PIP5K1B: variants seen among roughly 807,000 people sequenced by gnomAD.
The protein encoded by PIP5K1B is phosphatidylinositol 4-phosphate 5-kinase type-1 beta.
Under a neutral mutation model 67.0 loss-of-function variants are expected in PIP5K1B, and 42 were observed. The observed-to-expected ratio is 0.63, with a 90% CI of 0.49 to 0.81. The LOEUF (loss-of-function observed/expected upper bound fraction) is 0.81. Ranked by LOEUF, PIP5K1B falls within the 30% of genes least tolerant of loss-of-function variation. PIP5K1B has a pLI of 0.00. For synonymous variants in PIP5K1B, 214 were observed against 231.4 expected, an observed-to-expected ratio of 0.92 and a Z score of 0.68; for missense variants, 459 against 646.3, an observed-to-expected ratio of 0.71 and a Z score of 3.14.
chr9:68,863,640 A>G (rs1564191597), intron 4 of PIP5K1B, among the ~76,000 whole-genome samples, 197 bp from the exon 5 acceptor site: 2 of 152,270 alleles, frequency 1.3e-5, no homozygotes, highest in Non-Finnish European at 2.9e-5. Flanking sequence ...CACAAAAAAC[A>G]TTTGAAAAGA....
Position 68,951,776 on chromosome 9 carries a change from G to C in PIP5K1B, c.1502+10986G>C, listed in dbSNP as rs1480047251. Among the ~76,000 whole-genome samples, 3 of 152,048 alleles carry C rather than the reference G, an allele frequency of 2.0e-5. No homozygotes were observed. The South Asian group carries it at 6.2e-4, about 32-fold the overall frequency. On this transcript the variant is annotated intron_variant, in intron 14 of 15. Transcript: ENST00000265382. ...TATGCCCAGAGTTTAACAAATAGTC[G>C]TGTAACATGTGTTAAGAAAAAGAGC...
intron 4 of PIP5K1B, among the ~76,000 whole-genome samples, chr9:68,839,513 T>C (rs1057220835): frequency 6.6e-6 from 1 of 152,180 alleles, no homozygotes; most frequent in Non-Finnish European, 1.5e-5. Context: ...TTAAACACCC[T>C]GTGGATTAGG....
chr9:68,875,831 G>C (rs2132314824), intron 5 of PIP5K1B, among the ~76,000 whole-genome samples: 1 of 152,288 alleles, frequency 6.6e-6, no homozygotes, highest in East Asian at 1.9e-4. Context: ...GAGTGGCTTA[G>C]GTGGTTTGAC....
At chr9:68,762,083 G>A (rs1830209311) in intron 2 of PIP5K1B, among the ~76,000 whole-genome samples, 2 of 152,032 alleles carry the variant, frequency 1.3e-5, no homozygotes, top group Admixed American at 6.6e-5. Flanking sequence ...TGGATTAACT[G>A]AAGAGATTCT....
intron 2 of PIP5K1B, among the ~76,000 whole-genome samples, chr9:68,751,222 T>G (rs1829616121): frequency 6.6e-6 from 1 of 152,250 alleles, no homozygotes; most frequent in South Asian, 2.1e-4. Flanking sequence ...CGTAGACCTG[T>G]GTCAAGAGCA....
chr9:68,822,328 A>C (rs1291312664), intron 3 of PIP5K1B: 2 of 166,710 alleles, frequency 1.2e-5, no homozygotes, highest in East Asian at 3.1e-4. Context: ...CCCCATCTCT[A>C]AAAAAAAAAA....
rs567635339 is a variant in PIP5K1B at position 68,712,849 on chromosome 9, C to T, written c.-243+7087C>T. On this transcript the variant is annotated intron_variant, in intron 1 of 15. Coordinates refer to ENST00000265382, the MANE Select transcript of PIP5K1B (RefSeq NM_003558.4). ...GAAGAGGAAATTATCAAGCACAAAA[C>T]AAAACGTTGCTACACTGTTAAAATG... Among the ~76,000 whole-genome samples, 3 of 152,314 alleles carry T rather than the reference C, an allele frequency of 2.0e-5. No individual in the cohort carries two copies. In the East Asian group the frequency reaches 5.8e-4, roughly 29 times the overall value.
At position 68,983,587 on chromosome 9, in the gene PIP5K1B, T is replaced by C. The variant is rs11144647; in HGVS notation, c.1503-7553T>C. Among the ~76,000 whole-genome samples the C allele has an allele frequency of 7.6e-3, 1,162 of 152,352 alleles. 12 individuals are homozygous for C. Among genetic ancestry groups the C allele is most frequent in the African/African-American group, 0.026 (1,082 of 41,578 alleles). ...AGACTTTTAAAATTTGATCTCTGTA[T>C]TCTAGGTGCTAGAATCCATTCTAGG... On this transcript the variant is annotated intron_variant, in intron 14 of 15. Coordinates refer to ENST00000265382, the MANE Select transcript of PIP5K1B (RefSeq NM_003558.4).
intron 14 of PIP5K1B, among the ~76,000 whole-genome samples, chr9:68,969,462 C>T (rs1383019557): frequency 6.6e-6 from 1 of 151,348 alleles, no homozygotes; most frequent in Non-Finnish European, 1.5e-5. Context: ...ATTAGGGGTG[C>T]TGATTGTGTC....
chr9:68,732,927 C>T (rs1455801027), intron 1 of PIP5K1B, among the ~76,000 whole-genome samples: 2 of 87,916 alleles, frequency 2.3e-5, no homozygotes, highest in African/African-American at 9.1e-5. Flanking sequence ...GGGGGGGGGG[C>T]GGCGCGGTGG....
chr9:68,802,583 AGAG>A (rs1255977534), intron 2 of PIP5K1B, among the ~76,000 whole-genome samples: 2 of 152,250 alleles, frequency 1.3e-5, no homozygotes, highest in Admixed American at 6.5e-5. Flanking sequence ...ACGTGAGTAC[AGAG>A]AAGAAACGCT....
chr9:68,732,552 C>T (rs138332530), intron 1 of PIP5K1B, among the ~76,000 whole-genome samples: 2 of 152,292 alleles, frequency 1.3e-5, no homozygotes, highest in East Asian at 3.9e-4. Flanking sequence ...GAACTTTGAC[C>T]ACCTACTGTT....
intron 14 of PIP5K1B, among the ~76,000 whole-genome samples, chr9:68,987,314 A>G (rs916755108): frequency 1.3e-5 from 2 of 152,138 alleles, no homozygotes; most frequent in African/African-American, 2.4e-5. Context: ...CTATAATCCC[A>G]GCACTTTGGG....
At chr9:69,000,020 C>A (rs1359618787) in intron 15 of PIP5K1B, among the ~76,000 whole-genome samples, 1 of 152,136 alleles carries the variant, frequency 6.6e-6, no homozygotes, top group Non-Finnish European at 1.5e-5. Context: ...AGCTCCACCA[C>A]CTTTCAAGTT....
chr9:68,788,209 C>T (rs1160148615), intron 2 of PIP5K1B: 3 of 330,532 alleles, frequency 9.1e-6, no homozygotes, highest in Non-Finnish European at 1.7e-5. Flanking sequence ...AATGTGTGGG[C>T]CCAGGAGGGG....
rs142928164 is a variant in PIP5K1B, at chr9:68,737,029, C to G, written c.-242-5472C>G. Reference sequence around the variant, plus strand: ...TCCTATAATTATATACTTTGACCTTCTTTTCTTTCAGATTGTGTCTCTTAA... The same window carrying G: ...TCCTATAATTATATACTTTGACCTTGTTTTCTTTCAGATTGTGTCTCTTAA... On this transcript the variant is annotated intron_variant, in intron 1 of 15. Transcript: ENST00000265382. 9.9e-5 allele frequency among the ~76,000 whole-genome samples: 15 copies of G among 152,284 alleles called. No homozygotes were observed. In the East Asian group the frequency reaches 2.9e-3, roughly 29 times the overall value.
Position 68,919,556 on chromosome 9 carries a change from C to A in PIP5K1B, c.1061C>A (p.Ser354Ter). ...ATGGGCATTATTGACATTCTGCAAT[C>A]ATATAGGTAAGAAGTTTGAGGAGTG... ...LFMGIIDILQ[S>*]YRLMKKLEHS... Residue 354 changes from serine to a stop codon, truncating the protein, a stop_gained, in exon 10 of 16, where the codon TCA becomes TAA. Coordinates refer to ENST00000265382, the MANE Select transcript of PIP5K1B (RefSeq NM_003558.4). LOFTEE classifies it high-confidence loss of function. The A allele has an allele frequency of 6.4e-7, 1 of 1,571,088 alleles. No individual in the cohort carries two copies. Among genetic ancestry groups the A allele is most frequent in the South Asian group, 1.1e-5 (1 of 87,890 alleles).
intron 2 of PIP5K1B, among the ~76,000 whole-genome samples, chr9:68,757,635 T>C (rs145897377): frequency 6.6e-6 from 1 of 152,300 alleles, no homozygotes; most frequent in African/African-American, 2.4e-5. Context: ...CATGTGTGGA[T>C]ACTAAGCCCT....
chr9:68,784,583 A>G (rs1831501513), intron 2 of PIP5K1B: 1 of 167,028 alleles, frequency 6.0e-6, no homozygotes, highest in South Asian at 2.1e-4. Context: ...AAAATTGGGG[A>G]AGGAATCAAG....
Sources: allele counts gnomAD v4.1 joint callset (sites outside exome capture counted in the v4.1 genomes callset), GRCh38; gene constraint gnomAD v4.1.1; transcripts MANE v1.5; gene names NCBI Gene and HGNC (gene_info 2026-07-23, HGNC 2026-07-21).